The following C8orf88 variants were observed in gnomAD, a reference collection of about 807,000 sequenced individuals.
C8orf88 encodes uncharacterized protein C8orf88.
Under a neutral mutation model 18.4 loss-of-function variants are expected in C8orf88, and 14 were observed. The observed-to-expected ratio is 0.76, with a 90% CI of 0.50 to 1.19. The LOEUF is 1.19. Ranked by LOEUF, C8orf88 falls within the 50% of genes most tolerant of loss-of-function variation. The pLI is 0.00. For synonymous variants in C8orf88, 45 were observed against 42.9 expected, an observed-to-expected ratio of 1.05 and a Z score of -0.19; for missense variants, 116 against 134.7, an observed-to-expected ratio of 0.86 and a Z score of 0.69.
At chr8:90,961,869 AACATT>A (rs1172103253) in intron 4 of C8orf88, among the ~76,000 whole-genome samples, 1 of 151,532 alleles carries the variant, frequency 6.6e-6, no homozygotes, top group Non-Finnish European at 1.5e-5. Flanking sequence ...TGACCCCCTA[AACATT>A]ACATTAAAGA....
intron 4 of C8orf88, among the ~76,000 whole-genome samples, chr8:90,964,407 T>C (rs1280509629): frequency 1.3e-5 from 2 of 151,592 alleles, no homozygotes; most frequent in Non-Finnish European, 3.0e-5. Context: ...AATCAAGAAA[T>C]CTATATCTGA....
intron 5 of C8orf88, among the ~76,000 whole-genome samples, chr8:90,960,390 T>C (rs1811108232): frequency 6.6e-6 from 1 of 151,342 alleles, no homozygotes. Flanking sequence ...TGACTGGATA[T>C]CTATGTAGAA....
At chr8:90,982,190 T>C (rs1351352899) in intron 1 of C8orf88, among the ~76,000 whole-genome samples, 1 of 152,046 alleles carries the variant, frequency 6.6e-6, no homozygotes, top group Non-Finnish European at 1.5e-5. Flanking sequence ...TAATGCTCTC[T>C]GTACTTTTTG....
chr8:90,977,336 A>T (rs1248990431), intron 3 of C8orf88, among the ~76,000 whole-genome samples: 2 of 152,228 alleles, frequency 1.3e-5, no homozygotes, highest in Admixed American at 1.3e-4. Flanking sequence ...CGCTTTGAAG[A>T]GTAATTTGGC....
chr8:90,968,999 C>T (rs112992057), intron 4 of C8orf88, among the ~76,000 whole-genome samples: 3 of 151,596 alleles, frequency 2.0e-5, no homozygotes, highest in Admixed American at 6.6e-5. Context: ...AGGTTGGAAA[C>T]CCTAGTACCT....
chr8:90,980,398 G>C lies in C8orf88; in HGVS notation c.38C>G (p.Pro13Arg). 4 of 1,533,682 alleles carry C rather than the reference G, an allele frequency of 2.6e-6. No homozygotes were observed. The highest frequency in any genetic ancestry group is 2.6e-6 in the Non-Finnish European group (3 of 1,145,870). The change falls in exon 2 of 6, where the codon CCA becomes CGA. Residue 13 changes from proline to arginine, a missense_variant. Physicochemically the swap from Pro to Arg is moderately radical, Grantham distance 103. Transcript: ENST00000517562. ...AGTCAGATGACGAACAGGTCTTGCT[G>C]GTTGAAGCGGTTTACCAATTAATTT... is the stretch of plus-strand genomic sequence containing the variant. ...TKKLIGKPLQ[P>R]ARPVRHLTSP... is the part of the protein sequence containing the mutation.
chr8:90,960,687 A>T, intron 5 of C8orf88, 55 bp downstream of exon 5: 1 of 1,030,356 alleles, frequency 9.7e-7, no homozygotes, highest in Non-Finnish European at 1.4e-6. Context: ...TGAAAATGTT[A>T]AAGAAAAATA....
chr8:90,963,089 G>A (rs540923525), intron 4 of C8orf88, among the ~76,000 whole-genome samples: 11 of 151,690 alleles, frequency 7.3e-5, no homozygotes, highest in African/African-American at 2.4e-4. Context: ...GGTGAAGGCA[G>A]AATTGAGGTA....
In C8orf88 at chr8:90,972,383, T is replaced by A. The variant is rs181498863; in HGVS notation, c.148-1242A>T. On this transcript the variant is annotated intron_variant, in intron 3 of 5. Coordinates refer to ENST00000517562, the MANE Select transcript of C8orf88 (RefSeq NM_001190972.2). ...TCTCCAAAGTTCTTCTAGACTGTTG[T>A]ATTTAATTAACTATAAAATGGTATT... 6.9e-4 allele frequency among the ~76,000 whole-genome samples: 105 copies of A among 152,084 alleles called. 2 individuals are homozygous for A. In the East Asian group the frequency reaches 0.02, roughly 28 times the overall value.
At chr8:90,969,978 T>C (rs1184650351) in intron 4 of C8orf88, among the ~76,000 whole-genome samples, 1 of 151,966 alleles carries the variant, frequency 6.6e-6, no homozygotes, top group Non-Finnish European at 1.5e-5. Context: ...AGAACTGATA[T>C]ACTTGAGCAT....
intron 1 of C8orf88, among the ~76,000 whole-genome samples, chr8:90,982,772 T>A (rs957083989): frequency 2.6e-5 from 4 of 152,046 alleles, no homozygotes; most frequent in African/African-American, 9.7e-5. Context: ...TATTTTTTTT[T>A]AAAGTAAACG....
At chr8:90,984,441 A>G (rs1006453735) in intron 1 of C8orf88, among the ~76,000 whole-genome samples, 1 of 152,242 alleles carries the variant, frequency 6.6e-6, no homozygotes, top group African/African-American at 2.4e-5. Context: ...TCAAGTGGTG[A>G]AAGACATTTC....
chr8:90,964,178 T>TA (rs1290118853), intron 4 of C8orf88, among the ~76,000 whole-genome samples: 1 of 151,662 alleles, frequency 6.6e-6, no homozygotes, highest in African/African-American at 2.4e-5. Flanking sequence ...AATCCCACCA[T>TA]AAATTAAGGA....
intron 4 of C8orf88, among the ~76,000 whole-genome samples, chr8:90,962,195 T>C (rs1206358858): frequency 6.6e-6 from 1 of 151,590 alleles, no homozygotes; most frequent in African/African-American, 2.4e-5. Context: ...ATCTGGAACA[T>C]TCTACGTAGC....
chr8:90,968,689 C>A, intron 4 of C8orf88, among the ~76,000 whole-genome samples: 1 of 38,660 alleles, frequency 2.6e-5, no homozygotes, highest in Admixed American at 1.8e-4. Flanking sequence ...TATATATGCA[C>A]ACACTGGAAG....
intron 3 of C8orf88, among the ~76,000 whole-genome samples, chr8:90,972,496 C>T (rs1041780032): frequency 8.6e-5 from 13 of 151,824 alleles, no homozygotes; most frequent in African/African-American, 2.7e-4. Context: ...TACTTAAATG[C>T]AAGATCTAAA....
Position 90,980,399 on chromosome 8 carries a change from G to T in C8orf88, c.37C>A (p.Pro13Thr). 1 of 1,533,702 alleles carries T rather than the reference G, an allele frequency of 6.5e-7. No individual in the cohort carries two copies. Among genetic ancestry groups the T allele is most frequent in the Non-Finnish European group, 8.7e-7 (1 of 1,145,946 alleles). Residue 13 changes from proline to threonine, a missense_variant, in exon 2 of 6, where the codon CCA (proline) becomes ACA (threonine). Pro to Thr is a conservative substitution (Grantham distance 38). Coordinates refer to ENST00000517562, the MANE Select transcript of C8orf88 (RefSeq NM_001190972.2). The part of the protein sequence containing the change: ...TKKLIGKPLQ[P>T]ARPVRHLTSP... ...GTCAGATGACGAACAGGTCTTGCTG[G>T]TTGAAGCGGTTTACCAATTAATTTT... is the stretch of plus-strand genomic sequence containing the variant.
intron 3 of C8orf88, among the ~76,000 whole-genome samples, chr8:90,972,719 A>C (rs1308320409): frequency 6.6e-6 from 1 of 152,108 alleles, no homozygotes; most frequent in African/African-American, 2.4e-5. Flanking sequence ...TCAGACCAGA[A>C]GAGTTTGGTG....
intron 2 of C8orf88, 49 bp downstream of exon 2, chr8:90,980,314 T>C (rs1218994673): frequency 8.1e-6 from 9 of 1,106,288 alleles, no homozygotes; most frequent in Admixed American, 3.4e-5. Context: ...AAATACTAAT[T>C]AGTCATTAAC....
Sources: gnomAD v4.1 joint callset for allele counts (sites outside exome capture counted in the v4.1 genomes callset) on GRCh38, gnomAD v4.1.1 for gene constraint, MANE v1.5 for transcripts, NCBI Gene and HGNC (gene_info 2026-07-23, HGNC 2026-07-21) for gene names.